KATNAL2: variants seen among roughly 807,000 people sequenced by gnomAD.
KATNAL2 encodes katanin p60 ATPase-containing subunit A-like 2.
KATNAL2 carries 52 observed loss-of-function variants against 76.3 expected under a neutral mutation model. The ratio of observed to expected loss-of-function variants is 0.68; its 90% CI spans 0.55 to 0.86. KATNAL2 has a LOEUF of 0.86. KATNAL2 is among the 40% of genes least tolerant of loss of function. KATNAL2 has a pLI of 0.00. For synonymous variants in KATNAL2, 243 were observed against 244.2 expected (o/e 1.00, Z 0.05); for missense variants, 660 against 668.9 (o/e 0.99, Z 0.15).
At chr18:47,057,714 C>T (rs1341657381) in intron 6 of KATNAL2, among the ~76,000 whole-genome samples, 2 of 152,250 alleles carry the variant, frequency 1.3e-5, no homozygotes, top group East Asian at 1.9e-4. Flanking sequence ...TCTGCAATCC[C>T]CTTTTGATGT....
chr18:47,086,732 AT>A (rs1399126659), intron 15 of KATNAL2, among the ~76,000 whole-genome samples: 1 of 152,232 alleles, frequency 6.6e-6, no homozygotes, highest in Admixed American at 6.5e-5. Context: ...ATGATCTTCC[AT>A]GTGTGTTTTA....
chr18:46,919,997 A>C (rs528298792), intron 1 of KATNAL2: 1 of 1,158,954 alleles, frequency 8.6e-7, no homozygotes, highest in Non-Finnish European at 1.2e-6. Context: ...TACACCCATA[A>C]AGAGGACCAA....
intron 1 of KATNAL2, among the ~76,000 whole-genome samples, chr18:46,921,361 C>T (rs1360550561): frequency 3.3e-5 from 5 of 152,086 alleles, no homozygotes; most frequent in Non-Finnish European, 7.4e-5. Flanking sequence ...CTCCTGACCT[C>T]GTGATCCACC....
At position 47,086,847 on chromosome 18, in the gene KATNAL2, C is replaced by A. The variant is rs556691315; in HGVS notation, c.1211+9386C>A. Among the ~76,000 whole-genome samples, 149 of 152,304 alleles carry A rather than the reference C, an allele frequency of 9.8e-4. 1 individual carries two copies. Among genetic ancestry groups the A allele is most frequent in the African/African-American group, 3.4e-3 (143 of 41,544 alleles). ...TAGCAGGAGGTTACTAAGCAGTAAC[C>A]TTGCTCTTGCTTCGTTCACACCTTA... On this transcript the variant is annotated intron_variant, in intron 15 of 17. Transcript: ENST00000683218.
Position 47,063,085 on chromosome 18 carries a change from T to C in KATNAL2, c.648+15T>C, listed in dbSNP as rs758989718. 6.2e-7 allele frequency: 1 copy of C among 1,604,160 alleles called. No individual in the cohort carries two copies. Among genetic ancestry groups the C allele is most frequent in the Non-Finnish European group, 8.5e-7 (1 of 1,171,172 alleles). Reference sequence around the variant, plus strand: ...CAGACCCCTCAGTAAGTGGCGAAGATGTGACATTCATCTTTCAAATTGCCA... The same window carrying C: ...CAGACCCCTCAGTAAGTGGCGAAGACGTGACATTCATCTTTCAAATTGCCA... On this transcript the variant is annotated intron_variant, in intron 9 of 17. Coordinates refer to ENST00000683218, the MANE Select transcript of KATNAL2 (RefSeq NM_001387690.1).
chr18:46,959,746 G>C (rs180707730), intron 3 of KATNAL2, among the ~76,000 whole-genome samples: 2 of 152,100 alleles, frequency 1.3e-5, no homozygotes, highest in African/African-American at 4.8e-5. Flanking sequence ...GCTAATTTTT[G>C]TATTTTTTAG....
intron 1 of KATNAL2, among the ~76,000 whole-genome samples, chr18:46,939,961 T>C (rs1359637051): frequency 6.6e-6 from 1 of 152,228 alleles, no homozygotes; most frequent in African/African-American, 2.4e-5. Context: ...TTCAGTCTCT[T>C]ACAGACAAAA....
intron 4 of KATNAL2, 73 bp from the exon 5 acceptor site, chr18:47,052,807 A>G: frequency 8.4e-7 from 1 of 1,197,406 alleles, no homozygotes; most frequent in Non-Finnish European, 1.1e-6. Flanking sequence ...ATCCCTTTAG[A>G]CTTGTAATGC....
Position 47,100,942 on chromosome 18 carries a change from G to C in KATNAL2, c.1554G>C (p.Lys518Asn). The change falls in exon 18 of 18, where the codon AAG (lysine) becomes AAC (asparagine). Residue 518 changes from lysine (K) to asparagine (N), a missense_variant. By Grantham distance (94) the Lys-to-Asn change is moderately conservative. Coordinates refer to ENST00000683218, the MANE Select transcript of KATNAL2 (RefSeq NM_001387690.1). ...TTCTGGATGTGCTAACTCACACCAA[G>C]CCCTCCGCAAAGAATCTGGCTCAGA... ...ADFLDVLTHT[K>N]PSAKNLAQRY... The C allele has an allele frequency of 6.2e-7, 1 of 1,614,116 alleles. No homozygotes were observed. The highest frequency in any genetic ancestry group is 8.5e-7 in the Non-Finnish European group (1 of 1,180,024).
intron 3 of KATNAL2, among the ~76,000 whole-genome samples, chr18:46,961,865 G>T (rs1599489771): frequency 6.6e-6 from 1 of 152,276 alleles, no homozygotes; most frequent in African/African-American, 2.4e-5. Flanking sequence ...TTATTTTTAG[G>T]AGGGCCTGCA....
chr18:47,073,034 C>T (rs1026089742), intron 13 of KATNAL2, among the ~76,000 whole-genome samples: 8 of 152,002 alleles, frequency 5.3e-5, no homozygotes, highest in African/African-American at 9.7e-5. Context: ...ACAATTTGTA[C>T]GAAGTAGAAT....
chr18:47,080,436 A>G (rs1435256360), intron 15 of KATNAL2, among the ~76,000 whole-genome samples: 2 of 152,188 alleles, frequency 1.3e-5, no homozygotes, highest in Non-Finnish European at 2.9e-5. Flanking sequence ...CTTTACCCCA[A>G]AAAGAAACCC....
chr18:47,093,069 G>T (rs890657164), intron 15 of KATNAL2, among the ~76,000 whole-genome samples: 1 of 152,058 alleles, frequency 6.6e-6, no homozygotes, highest in African/African-American at 2.4e-5. Context: ...TACATAACCT[G>T]TTTTTTCTCT....
chr18:47,045,371 C>G (rs571035765), intron 3 of KATNAL2, among the ~76,000 whole-genome samples: 9 of 147,034 alleles, frequency 6.1e-5, no homozygotes, highest in African/African-American at 2.0e-4. Context: ...TGTCACCCAG[C>G]TTGGAGTGCA....
At chr18:47,035,644 C>T (rs937444486) in intron 3 of KATNAL2, 17 of 420,446 alleles carry the variant, frequency 4.0e-5, no homozygotes, top group East Asian at 3.1e-4. Flanking sequence ...GCCCCGCCCC[C>T]ATACGTACTC....
intron 15 of KATNAL2, among the ~76,000 whole-genome samples, chr18:47,079,978 T>G (rs2062431058): frequency 6.6e-6 from 1 of 152,078 alleles, no homozygotes; most frequent in Non-Finnish European, 1.5e-5. Flanking sequence ...CCTGTACAGC[T>G]CCCATCAATG....
At chr18:46,952,142 A>G (rs2059576540) in intron 3 of KATNAL2, among the ~76,000 whole-genome samples, 1 of 151,024 alleles carries the variant, frequency 6.6e-6, no homozygotes, top group Non-Finnish European at 1.5e-5. Flanking sequence ...GGCATGATTT[A>G]GCTCATTGCA....
At chr18:46,953,707 T>C (rs558343695) in intron 3 of KATNAL2, among the ~76,000 whole-genome samples, 10 of 151,950 alleles carry the variant, frequency 6.6e-5, no homozygotes, top group Non-Finnish European at 1.5e-4. Flanking sequence ...CAGTGAGCCG[T>C]GATCACACCA....
chr18:47,088,637 G>A (rs181722320), intron 15 of KATNAL2, among the ~76,000 whole-genome samples: 20 of 152,110 alleles, frequency 1.3e-4, no homozygotes, highest in South Asian at 2.1e-4. Context: ...GGAGTGCAGC[G>A]ATGCAATCTC....
Sources: allele counts gnomAD v4.1 joint callset (sites outside exome capture counted in the v4.1 genomes callset), GRCh38; gene constraint gnomAD v4.1.1; transcripts MANE v1.5; gene names NCBI Gene and HGNC (gene_info 2026-07-23, HGNC 2026-07-21).